Variants in EVC observed in about 807,000 individuals in gnomAD.
EVC encodes EvC ciliary complex subunit 1.
In EVC, 116 loss-of-function variants were observed where a neutral mutation model predicts 118.9. The ratio of observed to expected loss-of-function variants is 0.98; its 90% CI spans 0.84 to 1.14. The LOEUF (loss-of-function observed/expected upper bound fraction) is 1.14. EVC is among the 50% of genes most tolerant of loss of function. EVC has a pLI of 0.00. For synonymous variants in EVC, 619 were observed against 534.7 expected, an observed-to-expected ratio of 1.16 and a Z score of -2.18; for missense variants, 1,401 against 1,246.4, an observed-to-expected ratio of 1.12 and a Z score of -1.87.
At chr4:5,816,939 T>C (rs898072808), downstream of EVC, among the ~76,000 whole-genome samples, 3 of 152,118 alleles carry the variant, frequency 2.0e-5, no homozygotes, top group African/African-American at 7.2e-5. Flanking sequence ...CAGGCAACCC[T>C]AGAGAACTGA....
intron 2 of EVC, among the ~76,000 whole-genome samples, chr4:5,724,969 A>G (rs895080391): frequency 6.6e-6 from 1 of 152,100 alleles, no homozygotes; most frequent in African/African-American, 2.4e-5. Context: ...AAGTGAGAAC[A>G]TGCGGTGTTT....
chr4:5,744,744 C>T (rs1359508628), intron 6 of EVC, among the ~76,000 whole-genome samples: 1 of 152,152 alleles, frequency 6.6e-6, no homozygotes, highest in East Asian at 1.9e-4. Context: ...ATGGCCTCCC[C>T]TGATTGGCCC....
rs1473199751 is a variant in EVC at position 5,802,047 on chromosome 4, T to G, written c.2402T>G (p.Met801Arg). ...QAYYQQIGRI[M>R]EDHEERKLQH... ...TATTACCAGCAAATCGGAAGGATCA[T>G]GGAGGACCACGAGGAGAGAAAACTG... The change falls in exon 16 of 21, where the codon ATG becomes AGG. Residue 801 changes from methionine (M) to arginine (R), a missense_variant. By Grantham distance (91) the Met-to-Arg change is moderately conservative. Transcript: ENST00000264956. 6.2e-7 allele frequency: 1 copy of G among 1,614,102 alleles called. No individual in the cohort carries two copies. The highest frequency in any genetic ancestry group is 8.5e-7 in the Non-Finnish European group (1 of 1,180,052).
Position 5,758,425 on chromosome 4 carries a change from C to T in EVC, c.1563+2063C>T, listed in dbSNP as rs1731517372. The T allele has an allele frequency of 7.1e-6, 2 of 280,666 alleles. 1 individual carries two copies. Among genetic ancestry groups the T allele is most frequent in the Non-Finnish European group, 1.3e-5 (2 of 151,464 alleles). 17.4% of individuals were successfully genotyped at this position (280,666 alleles called of 1,614,324 possible). ...CTTGAGTATTTGATTATTTAATTCT[C>T]ATGAGATTCATGAGGAAGACACTGC... is the stretch of plus-strand genomic sequence containing the variant. On this transcript the variant is annotated intron_variant, in intron 11 of 20. Coordinates refer to ENST00000264956, the MANE Select transcript of EVC (RefSeq NM_153717.3).
intron 5 of EVC, among the ~76,000 whole-genome samples, chr4:5,733,648 C>T (rs1186786812): frequency 6.6e-6 from 1 of 152,134 alleles, no homozygotes; most frequent in African/African-American, 2.4e-5. Context: ...TTGACTTCAA[C>T]CAGAGCTGTA....
chr4:5,718,493 G>A (rs1370130172), intron 1 of EVC, among the ~76,000 whole-genome samples: 3 of 152,016 alleles, frequency 2.0e-5, no homozygotes, highest in Admixed American at 6.6e-5. Context: ...AAACAGTAAA[G>A]TCACCGAGAA....
chr4:5,725,866 T>C (rs1370598756), intron 2 of EVC, among the ~76,000 whole-genome samples: 1 of 152,234 alleles, frequency 6.6e-6, no homozygotes, highest in Non-Finnish European at 1.5e-5. Flanking sequence ...TTTAAGTCTT[T>C]AATCCATCTT....
chr4:5,759,870 C>T (rs1341335802), intron 11 of EVC, among the ~76,000 whole-genome samples: 2 of 152,148 alleles, frequency 1.3e-5, no homozygotes, highest in East Asian at 1.9e-4. Flanking sequence ...CAAGGGGGTC[C>T]GGACACAGCG....
intron 11 of EVC, among the ~76,000 whole-genome samples, chr4:5,762,308 A>C (rs111858628): frequency 0.02 from 2,714 of 136,834 alleles, 49 homozygotes; most frequent in Non-Finnish European, 0.031. Context: ...TCATTGTTGG[A>C]CATTTGGGTT....
At chr4:5,767,704 A>T (rs1430260785) in intron 11 of EVC, among the ~76,000 whole-genome samples, 1 of 152,090 alleles carries the variant, frequency 6.6e-6, no homozygotes, top group Non-Finnish European at 1.5e-5. Flanking sequence ...TAGGAAAGGG[A>T]ACTCCCTGAC....
In EVC at chr4:5,746,856, A is replaced by G. The variant is rs1001851118; in HGVS notation, c.940-1292A>G. Among the ~76,000 whole-genome samples, 36 of 152,300 alleles carry G rather than the reference A, an allele frequency of 2.4e-4. No individual in the cohort carries two copies. Among genetic ancestry groups the G allele is most frequent in the African/African-American group, 8.2e-4 (34 of 41,580 alleles). ...CGGATGAGAAGAATTGGGACAAGAA[A>G]GCAGAGGAGGAATTGGATGGGCTTT... On this transcript the variant is annotated intron_variant, in intron 7 of 20. Transcript: ENST00000264956. This position sits in a 1 kb window ranked among gnomAD's most constrained non-coding sequence, Gnocchi z 5.8.
At chr4:5,720,263 G>A (rs573485556) in intron 2 of EVC, among the ~76,000 whole-genome samples, 1 of 152,278 alleles carries the variant, frequency 6.6e-6, no homozygotes, top group Admixed American at 6.5e-5. Context: ...ACCTGTGAGT[G>A]ATGCCAACAC....
At chr4:5,745,812 G>C (rs1157110385) in intron 7 of EVC, among the ~76,000 whole-genome samples, 2 of 152,172 alleles carry the variant, frequency 1.3e-5, no homozygotes, top group Non-Finnish European at 2.9e-5. Flanking sequence ...CTCTTCACCA[G>C]GGATTGTGCT....
chr4:5,810,418 T>C lies in EVC; in HGVS notation c.2862T>C (p.Leu954=). ...TGGGGGTGCCCAACAATGAGGACCT[T>C]GCCTCCGGGGACCAGACCTCAGGCT... The part of the protein sequence containing the change: ...GDLGVPNNED[L]ASGDQTSGSL... Residue 954 remains leucine, a synonymous_variant, in exon 20 of 21, where the codon CTT becomes CTC. Transcript: ENST00000264956. The C allele has an allele frequency of 1.2e-6, 2 of 1,613,236 alleles. No homozygotes were observed. The highest frequency in any genetic ancestry group is 1.7e-5 in the Admixed American group (1 of 59,932).
chr4:5,792,498 T>C (rs1036164025), intron 12 of EVC, among the ~76,000 whole-genome samples: 2 of 152,052 alleles, frequency 1.3e-5, no homozygotes, highest in Admixed American at 6.5e-5. Flanking sequence ...GACAAACAAA[T>C]TGAAACCATG....
chr4:5,739,332 C>T (rs1368614195), intron 5 of EVC, among the ~76,000 whole-genome samples: 2 of 152,162 alleles, frequency 1.3e-5, no homozygotes, highest in African/African-American at 2.4e-5. Context: ...CCTTAGAGCT[C>T]ATTGTCATTG....
intron 1 of EVC, among the ~76,000 whole-genome samples, chr4:5,713,451 G>A (rs1723379537): frequency 6.6e-6 from 1 of 152,200 alleles, no homozygotes; most frequent in Non-Finnish European, 1.5e-5. Context: ...GCCAAGGCGA[G>A]CTGTTCAACT....
intron 20 of EVC, among the ~76,000 whole-genome samples, 174 bp downstream of exon 20, chr4:5,810,624 C>T (rs983964439): frequency 2.0e-5 from 3 of 152,156 alleles, no homozygotes; most frequent in Middle Eastern, 3.2e-3. Context: ...CATGATGATA[C>T]CAGGGGTGCC....
At chr4:5,815,784 C>T (rs909063270), downstream of EVC, among the ~76,000 whole-genome samples, 4 of 152,164 alleles carry the variant, frequency 2.6e-5, no homozygotes, top group African/African-American at 7.2e-5. Flanking sequence ...TGATTCGCAC[C>T]TGACGTCCCC....
Sources: allele counts gnomAD v4.1 joint callset (sites outside exome capture counted in the v4.1 genomes callset), GRCh38; gene constraint gnomAD v4.1.1; non-coding constraint Gnocchi (gnomAD v3.1); transcripts MANE v1.5; gene names NCBI Gene and HGNC (gene_info 2026-07-23, HGNC 2026-07-21).